LRRC4C: variants seen among roughly 807,000 people sequenced by gnomAD.
LRRC4C encodes leucine rich repeat containing 4C.
LRRC4C carries 5 observed loss-of-function variants against 33.6 expected under a neutral mutation model. That is an observed-to-expected ratio of 0.15 (90% CI 0.08 to 0.31). The LOEUF is 0.31. Among genes scored for constraint, LRRC4C ranks in the 10% least tolerant of loss-of-function variants. The pLI, the probability that LRRC4C is intolerant of heterozygous loss-of-function variation, is 1.00. For synonymous variants in LRRC4C, 329 were observed against 302.0 expected (o/e 1.09, Z -0.93); for missense variants, 560 against 796.7 (o/e 0.70, Z 3.58).
chr11:41,249,832 C>G (rs940440499), intron 1 of LRRC4C, among the ~76,000 whole-genome samples: 2 of 152,132 alleles, frequency 1.3e-5, no homozygotes, highest in African/African-American at 2.4e-5. Context: ...TACCACCTGA[C>G]ATATTTTGCA....
At chr11:40,127,674 A>G (rs919830498) in intron 6 of LRRC4C, among the ~76,000 whole-genome samples, 18 of 152,176 alleles carry the variant, frequency 1.2e-4, no homozygotes, top group African/African-American at 4.1e-4. Context: ...CGTCCCTAGT[A>G]TTGCTTTAGA....
intron 2 of LRRC4C, among the ~76,000 whole-genome samples, chr11:40,922,919 G>C (rs1253121295): frequency 6.6e-6 from 1 of 152,040 alleles, no homozygotes; most frequent in Non-Finnish European, 1.5e-5. Context: ...TCCGCCTCCC[G>C]GTTCAAGTGA....
rs182693116 is a variant in LRRC4C at position 41,434,407 on chromosome 11, C to T, written c.-496+25024G>A. Among the ~76,000 whole-genome samples the T allele has an allele frequency of 1.9e-3, 285 of 152,110 alleles. 2 individuals carry two copies. Among genetic ancestry groups the T allele is most frequent in the Non-Finnish European group, 3.2e-3 (215 of 68,000 alleles). On this transcript the variant is annotated intron_variant, in intron 1 of 6. Transcript: ENST00000528697. ...CTTCTATTTGCTTATCTGGGACAAC[C>T]TCAGACTTTGATGATGTATGGTCAA...
At chr11:40,329,967 T>C (rs2136927752) in intron 3 of LRRC4C, among the ~76,000 whole-genome samples, 1 of 152,168 alleles carries the variant, frequency 6.6e-6, no homozygotes, top group Non-Finnish European at 1.5e-5. Context: ...GGTCTCTATC[T>C]CCTGACCTCG....
At chr11:40,868,720 T>C (rs1482636365) in intron 2 of LRRC4C, among the ~76,000 whole-genome samples, 1 of 152,164 alleles carries the variant, frequency 6.6e-6, no homozygotes, top group Non-Finnish European at 1.5e-5. Flanking sequence ...CTTTGTAATA[T>C]ATAATCAAAG....
At chr11:40,348,584 C>A (rs1165274387) in intron 3 of LRRC4C, among the ~76,000 whole-genome samples, 1 of 152,050 alleles carries the variant, frequency 6.6e-6, no homozygotes, top group Non-Finnish European at 1.5e-5. Flanking sequence ...GTTATGGGGA[C>A]ATTCTCATGA....
At chr11:41,390,407 C>T (rs1003314084) in intron 1 of LRRC4C, among the ~76,000 whole-genome samples, 13 of 151,708 alleles carry the variant, frequency 8.6e-5, no homozygotes, top group Non-Finnish European at 1.9e-4. Flanking sequence ...TTGTAACCGG[C>T]GACTACAGAA....
rs535860853 is a variant in LRRC4C, at chr11:40,772,154, A to C, written c.-406-123876T>G. Among the ~76,000 whole-genome samples the C allele has an allele frequency of 2.2e-4, 34 of 152,314 alleles. 2 individuals are homozygous for C. The South Asian group carries it at 6.4e-3, about 29-fold the overall frequency. On this transcript the variant is annotated intron_variant, in intron 2 of 6. Coordinates refer to ENST00000528697, the MANE Select transcript of LRRC4C (RefSeq NM_001258419.2). ...CTTAATTAACTCACCTTTCTGCATG[A>C]CTAGGGAGGCCTCAGGAAACTTACA...
At chr11:40,211,451 A>T (rs1386546116) in intron 5 of LRRC4C, among the ~76,000 whole-genome samples, 3 of 152,260 alleles carry the variant, frequency 2.0e-5, no homozygotes, top group Non-Finnish European at 4.4e-5. Context: ...TTGTAAACAG[A>T]CTTCAAGACT....
chr11:40,178,216 T>C (rs189047120), intron 5 of LRRC4C, among the ~76,000 whole-genome samples: 1 of 152,290 alleles, frequency 6.6e-6, no homozygotes, highest in African/African-American at 2.4e-5. Flanking sequence ...CCAAAGAGTC[T>C]GGAAAGGCAT....
At chr11:40,559,458 T>C (rs1190735354) in intron 3 of LRRC4C, among the ~76,000 whole-genome samples, 1 of 152,184 alleles carries the variant, frequency 6.6e-6, no homozygotes, top group African/African-American at 2.4e-5. Flanking sequence ...GTGCTGGGAT[T>C]ACAGGCTGGA....
intron 2 of LRRC4C, among the ~76,000 whole-genome samples, chr11:40,677,569 G>A (rs1460864103): frequency 1.3e-5 from 2 of 152,078 alleles, no homozygotes; most frequent in Non-Finnish European, 2.9e-5. Context: ...AAATTTTTTA[G>A]TTTTAGGAGG....
At chr11:40,627,274 AGC>A (rs1425328704) in intron 3 of LRRC4C, among the ~76,000 whole-genome samples, 85 of 116,226 alleles carry the variant, frequency 7.3e-4, no homozygotes, top group Admixed American at 3.7e-3. Context: ...AGAGAGAGAG[AGC>A]GAGAGAGAGA....
At chr11:40,545,858 T>G (rs757416465) in intron 3 of LRRC4C, among the ~76,000 whole-genome samples, 25 of 151,908 alleles carry the variant, frequency 1.6e-4, no homozygotes, top group Non-Finnish European at 3.1e-4. Flanking sequence ...ACTGGAAACT[T>G]CATCAGTCAT....
intron 3 of LRRC4C, among the ~76,000 whole-genome samples, chr11:40,342,718 GC>G (rs1447256270): frequency 1.3e-5 from 2 of 152,092 alleles, no homozygotes. Flanking sequence ...TTTGTACTTT[GC>G]TTTTTGAAGT....
intron 1 of LRRC4C, among the ~76,000 whole-genome samples, chr11:40,949,332 G>A (rs1050259313): frequency 1.3e-5 from 2 of 152,128 alleles, no homozygotes; most frequent in African/African-American, 4.8e-5. Context: ...TGTTCACTCT[G>A]ATGGTAGTTT....
intron 1 of LRRC4C, among the ~76,000 whole-genome samples, chr11:41,115,699 G>A (rs1942080745): frequency 6.6e-6 from 1 of 152,030 alleles, no homozygotes; most frequent in African/African-American, 2.4e-5. Flanking sequence ...CAATAGCTGA[G>A]ATCCACTTTG....
chr11:40,841,463 C>A (rs1289673749), intron 2 of LRRC4C, among the ~76,000 whole-genome samples: 1 of 152,134 alleles, frequency 6.6e-6, no homozygotes, highest in Non-Finnish European at 1.5e-5. Context: ...AAGGTGGTGT[C>A]CTGAACTGAC....
chr11:40,245,330 T>C (rs1866243874), intron 4 of LRRC4C, among the ~76,000 whole-genome samples: 1 of 152,226 alleles, frequency 6.6e-6, no homozygotes, highest in African/African-American at 2.4e-5. Context: ...TATAAATAAA[T>C]GCCATTTTTC....
Sources: allele counts gnomAD v4.1 joint callset (sites outside exome capture counted in the v4.1 genomes callset), GRCh38; gene constraint gnomAD v4.1.1; transcripts MANE v1.5; gene names NCBI Gene and HGNC (gene_info 2026-07-23, HGNC 2026-07-21).